Variants in ULK2 observed in about 807,000 individuals in gnomAD.
ULK2 encodes serine/threonine-protein kinase ULK2.
A neutral mutation model predicts 127.5 loss-of-function variants in ULK2; 76 were observed. That is an observed-to-expected ratio of 0.60 (90% CI 0.50 to 0.72). ULK2 has a LOEUF of 0.72. ULK2 is among the 30% of genes least tolerant of loss of function. The pLI is 0.00. For missense variants in ULK2, 1,144 were observed against 1,295.9 expected, an observed-to-expected ratio of 0.88 and a Z score of 1.80; for synonymous variants, 452 against 461.9, an observed-to-expected ratio of 0.98 and a Z score of 0.28.
At chr17:19,787,909 G>A (rs2087069474) in intron 20 of ULK2, among the ~76,000 whole-genome samples, 2 of 152,224 alleles carry the variant, frequency 1.3e-5, no homozygotes. Flanking sequence ...GTACTTGGGG[G>A]AGGGAGAGTG....
chr17:19,817,605 T>C (rs1224253408), intron 12 of ULK2, among the ~76,000 whole-genome samples: 2 of 152,242 alleles, frequency 1.3e-5, no homozygotes, highest in East Asian at 3.8e-4. Context: ...ACTAGCTACG[T>C]ATCTTTTGTC....
chr17:19,801,628 T>C (rs2087400003), intron 16 of ULK2, 149 bp downstream of exon 16: 1 of 940,376 alleles, frequency 1.1e-6, no homozygotes, highest in Admixed American at 2.9e-5. Flanking sequence ...GGAGTTGGGA[T>C]TGGGGTAAAG....
intron 21 of ULK2, among the ~76,000 whole-genome samples, chr17:19,784,921 C>T (rs899416378): frequency 1.3e-5 from 2 of 151,990 alleles, no homozygotes; most frequent in Non-Finnish European, 2.9e-5. Context: ...GGTTTTTAAT[C>T]GTCTTAAAAA....
At chr17:19,786,205 TC>T in intron 20 of ULK2, 119 bp from the exon 21 acceptor site, 2 of 874,850 alleles carry the variant, frequency 2.3e-6, no homozygotes, top group Non-Finnish European at 3.3e-6. Flanking sequence ...TTTTTTTCCC[TC>T]TTCTTACAAA....
At chr17:19,865,713 T>C in intron 2 of ULK2, 23 bp downstream of exon 2, 3 of 1,348,308 alleles carry the variant, frequency 2.2e-6, no homozygotes, top group Non-Finnish European at 3.1e-6. Flanking sequence ...CTTATATGAA[T>C]ACTACTACAT....
In ULK2 at chr17:19,780,524, T is replaced by C; in HGVS notation, c.2864A>G (p.Glu955Gly). 1 of 1,613,844 alleles carries C rather than the reference T, an allele frequency of 6.2e-7. No homozygotes were observed. The highest frequency in any genetic ancestry group is 8.5e-7 in the Non-Finnish European group (1 of 1,179,904). Residue 955 changes from glutamate (E) to glycine (G), a missense_variant, in exon 25 of 27, where the codon GAA becomes GGA. By Grantham distance (98) the Glu-to-Gly change is moderately conservative. Around this residue, in one of 2 missense-constraint regions of ULK2, gnomAD observed 913 missense variants for 970.5 expected, o/e 0.94. Transcript: ENST00000395544. ...TTTCTCTGCAGTCACACTGTTGATT[T>C]CATCAATAAACCTCTGTTTGTCAGA... ...FFSDKQRFID[E>G]INSVTAEKLI...
chr17:19,814,456 T>TTTTTTTTG (rs1555557157), intron 13 of ULK2, among the ~76,000 whole-genome samples: 1 of 18,260 alleles, frequency 5.5e-5, no homozygotes, highest in African/African-American at 1.9e-4. Flanking sequence ...TTTTTTTTTT[T>TTTTTTTTG]TTTTTTTGGA....
At chr17:19,778,658 T>G (rs982068246) in intron 25 of ULK2, among the ~76,000 whole-genome samples, 1 of 152,198 alleles carries the variant, frequency 6.6e-6, no homozygotes, top group African/African-American at 2.4e-5. Context: ...TCTCGCTCTG[T>G]TGCCTAGACT....
Position 19,867,818 on chromosome 17 carries a change from G to A in ULK2, c.-401C>T, listed in dbSNP as rs923544502. On this transcript the variant is annotated 5_prime_UTR_variant, in exon 1 of 27. Transcript: ENST00000395544. Reference sequence around the variant, plus strand: ...GGGCCTCCTCGGCCCTCCCCGCTCGGGGCGCTGCTGCGACGGCGACGGCCG... The same window carrying A: ...GGGCCTCCTCGGCCCTCCCCGCTCGAGGCGCTGCTGCGACGGCGACGGCCG... 6.6e-6 allele frequency: 1 copy of A among 151,362 alleles called. No individual in the cohort carries two copies. The highest frequency in any genetic ancestry group is 1.5e-5 in the Non-Finnish European group (1 of 67,950). 9.4% of individuals were successfully genotyped at this position (151,362 alleles called of 1,614,324 possible).
chr17:19,812,463 G>C (rs144483524), intron 13 of ULK2, among the ~76,000 whole-genome samples: 84 of 152,234 alleles, frequency 5.5e-4, no homozygotes, highest in Admixed American at 9.8e-4. Context: ...CTAACCTACC[G>C]AATATCATGG....
rs141069663 is a variant in ULK2, at chr17:19,814,277, A to G, written c.1096+2472T>C. Among the ~76,000 whole-genome samples the G allele has an allele frequency of 4.9e-3, 748 of 151,540 alleles. 4 individuals are homozygous for G. The highest frequency in any genetic ancestry group is 0.017 in the African/African-American group (707 of 41,388). On this transcript the variant is annotated intron_variant, in intron 13 of 26. Coordinates refer to ENST00000395544, the MANE Select transcript of ULK2 (RefSeq NM_014683.4). ...TTAGAAGAAAATATAGAACACCATT[A>G]TAACACTAGGGCAGCATGACAGAGA...
In ULK2 at chr17:19,785,923, C is replaced by G. The variant is rs116445793; in HGVS notation, c.2251+14G>C. 5.6e-6 allele frequency: 9 copies of G among 1,593,438 alleles called. No homozygotes were observed. The highest frequency in any genetic ancestry group is 7.7e-6 in the Non-Finnish European group (9 of 1,171,992). On this transcript the variant is annotated intron_variant, in intron 21 of 26. Transcript: ENST00000395544. Reference sequence around the variant, plus strand: ...ATACTAGCCAAAGACTGTAATATAACAAATGCTCCTTACCTGAGGTTGTTC... The same window carrying G: ...ATACTAGCCAAAGACTGTAATATAAGAAATGCTCCTTACCTGAGGTTGTTC...
intron 9 of ULK2, among the ~76,000 whole-genome samples, chr17:19,839,466 ACC>A (rs1389316370): frequency 1.3e-5 from 2 of 152,160 alleles, no homozygotes; most frequent in South Asian, 2.1e-4. Flanking sequence ...GGAGTTCAAG[ACC>A]AGCCTGAACA....
intron 20 of ULK2, among the ~76,000 whole-genome samples, chr17:19,788,818 A>G (rs2087090515): frequency 6.6e-6 from 1 of 152,176 alleles, no homozygotes; most frequent in East Asian, 1.9e-4. Flanking sequence ...CTTGTGGGCC[A>G]TTGGTGGTTA....
At chr17:19,855,391 G>A (rs1430277985) in intron 3 of ULK2, among the ~76,000 whole-genome samples, 37 of 147,214 alleles carry the variant, frequency 2.5e-4, no homozygotes, top group Non-Finnish European at 5.1e-4. Context: ...GTGACAGAGC[G>A]AAACTCCATC....
At chr17:19,808,301 C>G (rs1049617461) in intron 14 of ULK2, among the ~76,000 whole-genome samples, 1 of 152,108 alleles carries the variant, frequency 6.6e-6, no homozygotes. Context: ...AAGGCCTGAA[C>G]ATTATACCCA....
At chr17:19,808,686 C>T (rs1262697736) in intron 14 of ULK2, among the ~76,000 whole-genome samples, 1 of 152,170 alleles carries the variant, frequency 6.6e-6, no homozygotes, top group Non-Finnish European at 1.5e-5. Flanking sequence ...TGTTCAATAT[C>T]ACTAATCATT....
chr17:19,785,001 A>G (rs192943722), intron 21 of ULK2, among the ~76,000 whole-genome samples: 40 of 152,258 alleles, frequency 2.6e-4, no homozygotes, highest in African/African-American at 9.4e-4. Flanking sequence ...CTTGATCAGC[A>G]ACTTATTTAG....
chr17:19,798,197 A>G (rs1175596916), intron 17 of ULK2, among the ~76,000 whole-genome samples: 1 of 151,450 alleles, frequency 6.6e-6, no homozygotes, highest in African/African-American at 2.5e-5. Flanking sequence ...AGATCATAAG[A>G]TAACAGACCT....
Sources: allele counts gnomAD v4.1 joint callset (sites outside exome capture counted in the v4.1 genomes callset), GRCh38; gene constraint gnomAD v4.1.1; regional missense constraint gnomAD v4.1.1; transcripts MANE v1.5; gene names NCBI Gene and HGNC (gene_info 2026-07-23, HGNC 2026-07-21).